GRIK2: variants seen among roughly 807,000 people sequenced by gnomAD.
GRIK2 encodes glutamate ionotropic receptor kainate type subunit 2, also known as glutamate receptor ionotropic, kainate 2.
A neutral mutation model predicts 100.3 loss-of-function variants in GRIK2; 32 were observed. The observed-to-expected ratio is 0.32, with a 90% confidence interval of 0.24 to 0.43. The LOEUF (loss-of-function observed/expected upper bound fraction) is 0.43, where lower values mean the gene tolerates loss of function less well. Among genes scored for constraint, GRIK2 ranks in the 20% least tolerant of loss-of-function variants. The probability of loss-of-function intolerance (pLI) is 1.00; values close to 1 mark genes in which losing one functional copy is unlikely to be tolerated. For synonymous variants in GRIK2, 417 were observed against 389.4 expected, an observed-to-expected ratio of 1.07 and a Z score of -0.83; for missense variants, 843 against 1,114.9, an observed-to-expected ratio of 0.76 and a Z score of 3.47.
At chr6:101,724,713 C>T (rs766647698) in intron 7 of GRIK2, among the ~76,000 whole-genome samples, 2 of 151,972 alleles carry the variant, frequency 1.3e-5, no homozygotes, top group African/African-American at 4.8e-5. Flanking sequence ...GGTCCAGACA[C>T]AATTCCAATA....
At chr6:101,948,677 G>A (rs147767610) in intron 14 of GRIK2, among the ~76,000 whole-genome samples, 7 of 151,882 alleles carry the variant, frequency 4.6e-5, no homozygotes, top group African/African-American at 7.2e-5. Context: ...GTCCCACTAC[G>A]TTGCCCAGAC....
chr6:101,996,891 G>A (rs1451229701), intron 14 of GRIK2, among the ~76,000 whole-genome samples: 1 of 152,090 alleles, frequency 6.6e-6, no homozygotes, highest in African/African-American at 2.4e-5. Context: ...CGATTTTTCA[G>A]ATATCTCAAA....
chr6:101,415,617 G>T (rs1307889302), intron 2 of GRIK2, among the ~76,000 whole-genome samples: 1 of 151,854 alleles, frequency 6.6e-6, no homozygotes, highest in South Asian at 2.1e-4. Context: ...TGATCCACCC[G>T]CCTCGGCCTC....
chr6:101,928,106 A>G (rs1334328293), intron 13 of GRIK2: 1 of 277,352 alleles, frequency 3.6e-6, no homozygotes, highest in East Asian at 7.2e-5. Context: ...AGCCTAAAAA[A>G]TCTCTTCTAA....
At chr6:101,681,404 A>ATTTTTTTT (rs149557882) in intron 5 of GRIK2, among the ~76,000 whole-genome samples, 1 of 111,956 alleles carries the variant, frequency 8.9e-6, no homozygotes, top group Non-Finnish European at 1.9e-5. Context: ...TTTCTTTTCT[A>ATTTTTTTT]TTTTTTTTTT....
At chr6:101,394,982 C>T (rs1774948969) in intron 1 of GRIK2, among the ~76,000 whole-genome samples, 1 of 152,132 alleles carries the variant, frequency 6.6e-6, no homozygotes, top group Admixed American at 6.5e-5. Context: ...ATTTATTCCA[C>T]TTCAATTTGT....
At chr6:101,501,853 G>A (rs1227111334) in intron 2 of GRIK2, among the ~76,000 whole-genome samples, 1 of 152,102 alleles carries the variant, frequency 6.6e-6, no homozygotes, top group Non-Finnish European at 1.5e-5. Flanking sequence ...CGTCTCCTGG[G>A]TTCAAGCGAT....
At chr6:101,974,644 C>G (rs1445831926) in intron 14 of GRIK2, among the ~76,000 whole-genome samples, 1 of 151,940 alleles carries the variant, frequency 6.6e-6, no homozygotes, top group East Asian at 1.9e-4. Flanking sequence ...GCTCTCAATG[C>G]CTTTCAACTG....
chr6:101,889,672 T>C lies in GRIK2; in HGVS notation c.1557T>C (p.Ile519=), dbSNP rs776454747. 6.2e-7 allele frequency: 1 copy of C among 1,610,430 alleles called. No homozygotes were observed. The highest frequency in any genetic ancestry group is 1.1e-5 in the South Asian group (1 of 90,936). Residue 519 remains isoleucine (I), a synonymous_variant, in exon 12 of 17, where the codon ATT becomes ATC. Transcript: ENST00000369134. Reference sequence around the variant, plus strand: ...ACCTTGCAGTTGCTCCACTGGCTATTACCTATGTTCGAGAGAAGGTCATCG... The same window carrying C: ...ACCTTGCAGTTGCTCCACTGGCTATCACCTATGTTCGAGAGAAGGTCATCG... The part of the protein sequence containing the change: ...KADLAVAPLA[I]TYVREKVIDF...
At chr6:101,661,426 T>TA (rs1408699162) in intron 4 of GRIK2, among the ~76,000 whole-genome samples, 1 of 152,042 alleles carries the variant, frequency 6.6e-6, no homozygotes, top group Non-Finnish European at 1.5e-5. Flanking sequence ...GGGGGTGAGA[T>TA]ACGCTGAGCT....
intron 10 of GRIK2, among the ~76,000 whole-genome samples, chr6:101,826,146 G>A (rs1782313170): frequency 6.6e-6 from 1 of 151,968 alleles, no homozygotes; most frequent in Non-Finnish European, 1.5e-5. Context: ...ACCTAAAGGA[G>A]AAAGAGTAGA....
intron 7 of GRIK2, among the ~76,000 whole-genome samples, chr6:101,778,952 C>T (rs1421001887): frequency 6.6e-6 from 1 of 151,964 alleles, no homozygotes; most frequent in Non-Finnish European, 1.5e-5. Context: ...AATCTAAGCA[C>T]ATATAAATAT....
chr6:101,736,402 A>C (rs368811145), intron 7 of GRIK2, among the ~76,000 whole-genome samples: 55 of 152,256 alleles, frequency 3.6e-4, no homozygotes, highest in African/African-American at 1.3e-3. Flanking sequence ...CCCTGCAGCA[A>C]ACTTCTGCTT....
chr6:101,674,538 A>G (rs1295418499), intron 4 of GRIK2, among the ~76,000 whole-genome samples: 2 of 152,212 alleles, frequency 1.3e-5, no homozygotes, highest in East Asian at 1.9e-4. Flanking sequence ...ATAGCCGAAC[A>G]TTAAACTCTA....
intron 12 of GRIK2, among the ~76,000 whole-genome samples, chr6:101,894,720 C>G (rs1211601710): frequency 6.6e-6 from 1 of 151,684 alleles, no homozygotes; most frequent in Non-Finnish European, 1.5e-5. Context: ...ACTAAAGCTA[C>G]TATTGATATA....
chr6:101,622,179 GA>G (rs1218656166), intron 3 of GRIK2, 63 bp downstream of exon 3: 1 of 1,001,684 alleles, frequency 1.0e-6, no homozygotes, highest in Non-Finnish European at 1.5e-6. Flanking sequence ...ATTCTTAAGA[GA>G]TTTTTTTATT....
chr6:101,980,998 AG>A (rs1392978723), intron 14 of GRIK2, among the ~76,000 whole-genome samples: 1 of 150,188 alleles, frequency 6.7e-6, no homozygotes, highest in Non-Finnish European at 1.5e-5. Flanking sequence ...GCTTTTTATA[AG>A]GCTTATTCCC....
At chr6:101,952,846 C>T (rs888078596) in intron 14 of GRIK2, among the ~76,000 whole-genome samples, 2 of 152,102 alleles carry the variant, frequency 1.3e-5, no homozygotes, top group Non-Finnish European at 2.9e-5. Flanking sequence ...TCTTGATCTG[C>T]CCATCTCGGC....
At chr6:101,974,978 G>T (rs1334411003) in intron 14 of GRIK2, among the ~76,000 whole-genome samples, 1 of 151,870 alleles carries the variant, frequency 6.6e-6, no homozygotes, top group Non-Finnish European at 1.5e-5. Context: ...GGTAAGGTAG[G>T]ATCAAGAAGA....
Sources: allele counts gnomAD v4.1 joint callset (sites outside exome capture counted in the v4.1 genomes callset), GRCh38; gene constraint gnomAD v4.1.1; transcripts MANE v1.5; gene names NCBI Gene and HGNC (gene_info 2026-07-23, HGNC 2026-07-21).